The following AMMECR1 variants were observed in gnomAD, a reference collection of about 807,000 sequenced individuals.
AMMECR1 encodes AMMECR nuclear protein 1.
In AMMECR1, 3 loss-of-function variants were observed where a neutral mutation model predicts 22.5. The ratio of observed to expected loss-of-function variants is 0.13; its 90% CI spans 0.06 to 0.35. AMMECR1 has a LOEUF of 0.35. AMMECR1 is among the 10% of genes least tolerant of loss of function. The pLI is 1.00. For missense variants in AMMECR1, 235 were observed against 278.7 expected (o/e 0.84, Z 1.12); for synonymous variants, 130 against 116.7 (o/e 1.11, Z -0.74).
At chrX:110,341,428 C>G (rs1389845880) in intron 2 of AMMECR1, among the ~76,000 whole-genome samples, 1 of 112,143 alleles carries the variant, frequency 8.9e-6, no homozygotes, top group Non-Finnish European at 1.9e-5. Flanking sequence ...TTTCAATTAC[C>G]CACAGCCAAC....
intron 2 of AMMECR1, among the ~76,000 whole-genome samples, chrX:110,228,320 C>T (rs2067544324): frequency 1.8e-5 from 2 of 111,184 alleles, no homozygotes; most frequent in Non-Finnish European, 3.8e-5. Context: ...AAGAACAAGG[C>T]CCCCTAAAGT....
chrX:110,228,414 G>A (rs1453494534), intron 2 of AMMECR1, among the ~76,000 whole-genome samples: 1 of 111,348 alleles, frequency 9.0e-6, no homozygotes, highest in East Asian at 2.8e-4. Flanking sequence ...ATAACTAAGA[G>A]CAAAAAGCTG....
In AMMECR1 at chrX:110,258,593, T is replaced by G. The variant is rs759096672; in HGVS notation, c.584+5896A>C. Among the ~76,000 whole-genome samples the G allele has an allele frequency of 2.7e-5, 3 of 112,258 alleles. No homozygotes were observed. The East Asian group carries it at 8.3e-4, about 31-fold the overall frequency. On this transcript the variant is annotated intron_variant, in intron 2 of 5. Transcript: ENST00000262844. ...ATCTCTTTTATAAAAAGGCAAAAAA[T>G]GTAGGTTGTAAATTAAACTAATTAA...
chrX:110,277,875 C>T (rs1445275621), intron 1 of AMMECR1, among the ~76,000 whole-genome samples: 1 of 112,057 alleles, frequency 8.9e-6, no homozygotes, highest in East Asian at 2.8e-4. Flanking sequence ...AAATAGCTCA[C>T]TCCTCTTATA....
chrX:110,369,259 G>T (rs896576085), intron 2 of AMMECR1, among the ~76,000 whole-genome samples: 2 of 111,284 alleles, frequency 1.8e-5, no homozygotes, highest in Non-Finnish European at 3.8e-5. Flanking sequence ...TTGAACCCGG[G>T]GGGTGGAGGT....
intron 2 of AMMECR1, among the ~76,000 whole-genome samples, chrX:110,217,306 G>GA (rs1023917629): frequency 1.8e-5 from 2 of 109,391 alleles, no homozygotes; most frequent in Non-Finnish European, 3.8e-5. Context: ...CAAAAATTGT[G>GA]AAACTACAGG....
At chrX:110,215,534 CCTT>C (rs1340106675) in intron 3 of AMMECR1, among the ~76,000 whole-genome samples, 1 of 111,719 alleles carries the variant, frequency 9.0e-6, no homozygotes, top group Non-Finnish European at 1.9e-5. Flanking sequence ...GGGGGATGGT[CCTT>C]CTAAAACAGC....
intron 2 of AMMECR1, among the ~76,000 whole-genome samples, chrX:110,343,034 A>C (rs1424448968): frequency 9.0e-6 from 1 of 111,499 alleles, no homozygotes; most frequent in Non-Finnish European, 1.9e-5. Flanking sequence ...GCAGAGACAC[A>C]ACAAAAAAAG....
At chrX:110,419,933 C>G (rs2068704993) in intron 2 of AMMECR1, among the ~76,000 whole-genome samples, 1 of 112,283 alleles carries the variant, frequency 8.9e-6, no homozygotes, top group Non-Finnish European at 1.9e-5. Context: ...TAATCCTCAT[C>G]ATAACCCAAT....
intron 2 of AMMECR1, among the ~76,000 whole-genome samples, chrX:110,417,959 A>G (rs2068689780): frequency 8.9e-6 from 1 of 112,843 alleles, no homozygotes; most frequent in African/African-American, 3.2e-5. Context: ...TGCCATGTTC[A>G]GGGGCAAGAG....
intron 2 of AMMECR1, among the ~76,000 whole-genome samples, chrX:110,335,471 G>A (rs1295352719): frequency 2.7e-5 from 3 of 111,815 alleles, no homozygotes; most frequent in African/African-American, 9.8e-5. Flanking sequence ...TGCTTCACAC[G>A]TAGTAGTCAC....
At chrX:110,225,591 T>C (rs2067528403) in intron 2 of AMMECR1, among the ~76,000 whole-genome samples, 1 of 112,318 alleles carries the variant, frequency 8.9e-6, no homozygotes, top group African/African-American at 3.2e-5. Context: ...AAACTTGGGA[T>C]TTTTTTGTGA....
intron 2 of AMMECR1, among the ~76,000 whole-genome samples, chrX:110,327,768 T>C (rs2068103559): frequency 8.9e-6 from 1 of 112,204 alleles, no homozygotes; most frequent in Non-Finnish European, 1.9e-5. Flanking sequence ...ATTATTTCTT[T>C]GATAGTCATC....
At chrX:110,273,001 G>A (rs1240302635) in intron 1 of AMMECR1, among the ~76,000 whole-genome samples, 2 of 112,088 alleles carry the variant, frequency 1.8e-5, no homozygotes, top group Non-Finnish European at 3.8e-5. Flanking sequence ...TTAATGTAAT[G>A]ATTTCTTTTC....
At chrX:110,371,163 C>T (rs981459498) in intron 2 of AMMECR1, among the ~76,000 whole-genome samples, 3 of 110,575 alleles carry the variant, frequency 2.7e-5, no homozygotes, top group Non-Finnish European at 1.9e-5. Flanking sequence ...ACAGAGAGTT[C>T]CCGTTAGCCC....
intron 2 of AMMECR1, among the ~76,000 whole-genome samples, chrX:110,239,247 C>A (rs1209682144): frequency 9.0e-6 from 1 of 110,771 alleles, no homozygotes; most frequent in Non-Finnish European, 1.9e-5. Context: ...ATAACAAACT[C>A]CTCCAAGATA....
chrX:110,399,032 C>T (rs1238211245), intron 2 of AMMECR1, among the ~76,000 whole-genome samples: 1 of 112,107 alleles, frequency 8.9e-6, no homozygotes, highest in African/African-American at 3.2e-5. Context: ...AGCCGTTTCT[C>T]AGTGAATGTC....
chrX:110,255,584 T>C (rs1315042964), intron 2 of AMMECR1, among the ~76,000 whole-genome samples: 2 of 111,922 alleles, frequency 1.8e-5, no homozygotes, highest in Admixed American at 9.5e-5. Context: ...TTGTAGAACA[T>C]ACAAAGTAGT....
At chrX:110,300,896 T>C (rs890054818) in intron 1 of AMMECR1, among the ~76,000 whole-genome samples, 9 of 111,659 alleles carry the variant, frequency 8.1e-5, no homozygotes, top group Admixed American at 3.8e-4. Flanking sequence ...CTTTCTTTTA[T>C]TTAGCCATGA....
Sources: gnomAD v4.1 joint callset for allele counts (sites outside exome capture counted in the v4.1 genomes callset) on GRCh38, gnomAD v4.1.1 for gene constraint, MANE v1.5 for transcripts, NCBI Gene and HGNC (gene_info 2026-07-23, HGNC 2026-07-21) for gene names.